Variants in PPP1R9A observed in about 807,000 individuals in gnomAD.
PPP1R9A encodes protein phosphatase 1 regulatory subunit 9A.
In PPP1R9A, 59 loss-of-function variants were observed where a neutral mutation model predicts 141.9. The observed-to-expected ratio is 0.42, with a 90% CI of 0.34 to 0.52. PPP1R9A has a LOEUF of 0.52. Ranked by LOEUF, PPP1R9A falls within the 20% of genes least tolerant of loss-of-function variation. PPP1R9A has a pLI of 0.10. For missense variants in PPP1R9A, 1,444 were observed against 1,611.9 expected (o/e 0.90, Z 1.78); for synonymous variants, 500 against 569.7 (o/e 0.88, Z 1.74).
intron 2 of PPP1R9A, among the ~76,000 whole-genome samples, chr7:95,038,293 A>G (rs938980960): frequency 4.6e-5 from 7 of 152,050 alleles, no homozygotes; most frequent in African/African-American, 1.4e-4. Flanking sequence ...TTACCTGGAG[A>G]AGAAGCTGCT....
chr7:95,069,680 C>G (rs1243869584), intron 2 of PPP1R9A, among the ~76,000 whole-genome samples: 1 of 152,094 alleles, frequency 6.6e-6, no homozygotes, highest in Non-Finnish European at 1.5e-5. Context: ...GGGTTCTCCA[C>G]CTATATGCTG....
At chr7:95,251,412 A>G (rs1935821368) in intron 10 of PPP1R9A, among the ~76,000 whole-genome samples, 1 of 152,154 alleles carries the variant, frequency 6.6e-6, no homozygotes. Context: ...TATGCTTATG[A>G]CATTGGAAAA....
intron 8 of PPP1R9A, among the ~76,000 whole-genome samples, chr7:95,244,257 T>A (rs192837661): frequency 6.6e-6 from 1 of 152,274 alleles, no homozygotes; most frequent in East Asian, 1.9e-4. Context: ...TTTGGTGAGA[T>A]GGAAAGGGTA....
chr7:95,181,393 AAT>A (rs1195171563), intron 5 of PPP1R9A, among the ~76,000 whole-genome samples: 1 of 137,506 alleles, frequency 7.3e-6, no homozygotes, highest in African/African-American at 2.7e-5. Context: ...GAATAGAGAG[AAT>A]ATATATATTC....
chr7:94,911,430 C>T lies in PPP1R9A; in HGVS notation c.1317C>T (p.Tyr439=), dbSNP rs777201939. 2.5e-6 allele frequency: 4 copies of T among 1,613,714 alleles called. No homozygotes were observed. The African/African-American group carries it at 4.0e-5, about 16-fold the overall frequency. The change falls in exon 2 of 20, where the codon TAC becomes TAT. Residue 439 remains tyrosine, a synonymous_variant. Coordinates refer to ENST00000433360, the MANE Select transcript of PPP1R9A (RefSeq NM_001166160.2). ...GTTACTATCAGCCTGATATGGAGTA[C>T]TCGGAAATTGTTGGATTGCCAGAAG... The part of the protein sequence containing the change: ...ENSYYQPDME[Y]SEIVGLPEEE...
intron 5 of PPP1R9A, among the ~76,000 whole-genome samples, chr7:95,167,446 G>A (rs1044825089): frequency 1.3e-5 from 2 of 152,156 alleles, no homozygotes; most frequent in Non-Finnish European, 2.9e-5. Flanking sequence ...ACATTGTATT[G>A]AGTGGGGAAA....
intron 2 of PPP1R9A, among the ~76,000 whole-genome samples, chr7:95,056,837 A>C (rs985335343): frequency 2.6e-5 from 4 of 152,156 alleles, no homozygotes; most frequent in Non-Finnish European, 4.4e-5. Flanking sequence ...AATCTTAAAA[A>C]GGCCAAAATC....
intron 2 of PPP1R9A, among the ~76,000 whole-genome samples, chr7:95,046,757 C>G (rs565676706): frequency 6.6e-6 from 1 of 152,156 alleles, no homozygotes; most frequent in Non-Finnish European, 1.5e-5. Flanking sequence ...TTGCTTGTTT[C>G]TAAACAATGC....
chr7:95,041,887 T>A (rs1809295405), intron 2 of PPP1R9A, among the ~76,000 whole-genome samples: 1 of 152,166 alleles, frequency 6.6e-6, no homozygotes, highest in African/African-American at 2.4e-5. Flanking sequence ...AAATTTGAGA[T>A]CTATTTGCAC....
chr7:94,990,836 A>C (rs1443939347), intron 2 of PPP1R9A, among the ~76,000 whole-genome samples: 1 of 152,052 alleles, frequency 6.6e-6, no homozygotes, highest in Non-Finnish European at 1.5e-5. Context: ...TTTACTTAAC[A>C]TAATGTCCGC....
intron 4 of PPP1R9A, among the ~76,000 whole-genome samples, chr7:95,123,104 G>T (rs1283558912): frequency 2.0e-5 from 3 of 151,488 alleles, no homozygotes; most frequent in African/African-American, 4.8e-5. Context: ...ACCAGTTCCT[G>T]TTGTTCTAAA....
intron 2 of PPP1R9A, among the ~76,000 whole-genome samples, chr7:95,010,130 G>A (rs996913846): frequency 3.9e-5 from 6 of 152,144 alleles, no homozygotes; most frequent in East Asian, 1.9e-4. Flanking sequence ...TGTGGCTTAC[G>A]CCTGTAATCC....
chr7:95,019,267 C>T (rs945245492), intron 2 of PPP1R9A, among the ~76,000 whole-genome samples: 9 of 152,022 alleles, frequency 5.9e-5, no homozygotes, highest in African/African-American at 1.7e-4. Context: ...TGGTGGCAGG[C>T]GCCTGTAATC....
intron 8 of PPP1R9A, among the ~76,000 whole-genome samples, chr7:95,245,152 A>G (rs1228534252): frequency 1.3e-5 from 2 of 152,200 alleles, no homozygotes; most frequent in Non-Finnish European, 2.9e-5. Flanking sequence ...GTGTGCATAT[A>G]CATTATTTGT....
chr7:95,200,239 C>A (rs1019749044), intron 6 of PPP1R9A, among the ~76,000 whole-genome samples: 1 of 151,732 alleles, frequency 6.6e-6, no homozygotes, highest in Non-Finnish European at 1.5e-5. Flanking sequence ...TGATCACATT[C>A]ATCCCCAAAA....
chr7:95,069,637 T>C (rs752849135), intron 2 of PPP1R9A, among the ~76,000 whole-genome samples: 5 of 152,172 alleles, frequency 3.3e-5, no homozygotes, highest in Admixed American at 6.5e-5. Flanking sequence ...TTCTTTTCAG[T>C]GTTGACACTT....
intron 2 of PPP1R9A, among the ~76,000 whole-genome samples, chr7:94,935,519 A>G (rs1233775088): frequency 1.3e-5 from 2 of 152,218 alleles, no homozygotes; most frequent in Non-Finnish European, 2.9e-5. Context: ...ATTTTTTAAA[A>G]AGTTCTCTTC....
Position 95,290,470 on chromosome 7 carries a change from C to A in PPP1R9A, c.*167C>A. The A allele has an allele frequency of 1.4e-6, 1 of 740,044 alleles. No homozygotes were observed. Among genetic ancestry groups the A allele is most frequent in the Non-Finnish European group, 2.1e-6 (1 of 470,448 alleles). The allele number at this position is 740,044 out of a possible 1,614,324, so 45.8% of individuals were successfully genotyped here. A position where few individuals can be genotyped will look rare whatever the true frequency, so the allele number is the denominator to read the frequency against. The stretch of plus-strand genomic sequence containing the variant: ...TAACTGCATTTTCTGCAATAGAATG[C>A]ACTCTTAATTTTAACTACTAAAATA... On this transcript the variant is annotated 3_prime_UTR_variant, in exon 20 of 20. Transcript: ENST00000433360.
intron 2 of PPP1R9A, among the ~76,000 whole-genome samples, chr7:95,093,098 C>T (rs902944930): frequency 8.5e-5 from 13 of 152,144 alleles, no homozygotes; most frequent in Admixed American, 7.2e-4. Flanking sequence ...AGTTCTTATA[C>T]ATGGGATGAT....
Sources: gnomAD v4.1 joint callset for allele counts (sites outside exome capture counted in the v4.1 genomes callset) on GRCh38, gnomAD v4.1.1 for gene constraint, MANE v1.5 for transcripts, NCBI Gene and HGNC (gene_info 2026-07-23, HGNC 2026-07-21) for gene names.